Variants in KIAA1755 observed in about 807,000 individuals in gnomAD.
KIAA1755 encodes uncharacterized protein KIAA1755.
In KIAA1755, 68 loss-of-function variants were observed where a neutral mutation model predicts 91.7. That is an observed-to-expected ratio of 0.74 (90% CI 0.61 to 0.91). KIAA1755 has a LOEUF of 0.91. Ranked by LOEUF, KIAA1755 falls within the 40% of genes least tolerant of loss-of-function variation. KIAA1755 has a pLI of 0.00. For synonymous variants in KIAA1755, 610 were observed against 604.6 expected (o/e 1.01, Z -0.13); for missense variants, 1,535 against 1,494.4 (o/e 1.03, Z -0.45).
intron 12 of KIAA1755, 51 bp downstream of exon 12, chr20:38,218,193 A>C: frequency 6.2e-7 from 1 of 1,611,352 alleles, no homozygotes; most frequent in Non-Finnish European, 8.5e-7. Context: ...CACCCCCTCT[A>C]ACGCCCTCTC....
Position 38,213,596 on chromosome 20 carries a change from C to T in KIAA1755, c.3049G>A (p.Val1017Met), listed in dbSNP as rs555113009. Residue 1017 changes from valine (V) to methionine (M), a missense_variant, in exon 14 of 14, where the codon GTG (valine) becomes ATG (methionine). Coordinates refer to ENST00000279024, the MANE Select transcript of KIAA1755 (RefSeq NM_001029864.2). Reference protein sequence around the residue: ...SEFPAEKLAAVGLQVASLSRA... With the variant: ...SEFPAEKLAAMGLQVASLSRA... ...CTCAGGGAGGCCACCTGCAGCCCCA[C>T]GGCTGCGAGCTTCTCAGCAGGGAAC... 3.1e-5 allele frequency: 50 copies of T among 1,608,994 alleles called. No homozygotes were observed. The highest frequency in any genetic ancestry group is 1.7e-4 in the Middle Eastern group (1 of 6,042).
At chr20:38,259,109 G>A (rs2076390467) in intron 1 of KIAA1755, among the ~76,000 whole-genome samples, 1 of 152,194 alleles carries the variant, frequency 6.6e-6, no homozygotes, top group Admixed American at 6.5e-5. Flanking sequence ...CCATCTGTTG[G>A]AGATAGCCGC....
chr20:38,218,516 A>C (rs919873906), intron 11 of KIAA1755, 150 bp from the exon 12 acceptor site: 2 of 1,095,548 alleles, frequency 1.8e-6, no homozygotes, highest in Admixed American at 2.8e-5. Context: ...AATTCTCCCA[A>C]TTCTGGGCGT....
In KIAA1755 at chr20:38,212,674, A is replaced by C. The variant is rs2123037231; in HGVS notation, c.*368T>G. ...AACACTGGCCCTCGTACCCGAGGGG[A>C]GAGCTGTGTATGTTCCTGAGCTGCA... On this transcript the variant is annotated 3_prime_UTR_variant, in exon 14 of 14. Transcript: ENST00000279024. 2 of 182,688 alleles carry C rather than the reference A, an allele frequency of 1.1e-5. No homozygotes were observed. Among genetic ancestry groups the C allele is most frequent in the Non-Finnish European group, 2.3e-5 (2 of 87,146 alleles). The allele number at this position is 182,688 out of a possible 1,614,324, so 11.3% of individuals were successfully genotyped here.
Position 38,231,306 on chromosome 20 carries a change from C to T in KIAA1755, c.1767G>A (p.Gly589=), listed in dbSNP as rs1187099414. ...TAGTTGACACCAGAAGCAGGGGCCG[C>T]CCGGCCCTGTCCCGGCCACCTGGAG... ...ACLPGGRDRA[G]RPLLLVSTTE... The change falls in exon 5 of 14, where the codon GGG becomes GGA. Residue 589 remains glycine, a synonymous_variant. Transcript: ENST00000279024. 1.9e-6 allele frequency: 3 copies of T among 1,610,740 alleles called. No homozygotes were observed. The highest frequency in any genetic ancestry group is 1.3e-5 in the African/African-American group (1 of 74,992).
chr20:38,214,434 C>T (rs6024001), intron 13 of KIAA1755, among the ~76,000 whole-genome samples: 66,541 of 152,052 alleles, frequency 0.44, 14,683 homozygotes, highest in East Asian at 0.52. Flanking sequence ...CTGCCTAATG[C>T]TTATTGAGCA....
At position 38,219,917 on chromosome 20, in the gene KIAA1755, C is replaced by T. The variant is rs2075627263; in HGVS notation, c.2418-149G>A. 4.1e-6 allele frequency: 4 copies of T among 963,898 alleles called. No individual in the cohort carries two copies. In the Admixed American group the frequency reaches 1.0e-4, roughly 24 times the overall value. The allele number at this position is 963,898 out of a possible 1,614,324, so 59.7% of individuals were successfully genotyped here. A position where few individuals can be genotyped will look rare whatever the true frequency, so the allele number is the denominator to read the frequency against. ...GTGTGACTGTGGGCAGGCCCTTCAC[C>T]AAGGGCCTCAGCCTTGGTCTTCCAT... On this transcript the variant is annotated intron_variant, in intron 10 of 13. Transcript: ENST00000279024.
chr20:38,214,660 T>C (rs2123047945), intron 13 of KIAA1755, among the ~76,000 whole-genome samples: 1 of 152,262 alleles, frequency 6.6e-6, no homozygotes, highest in African/African-American at 2.4e-5. Context: ...GGGTGTGCCC[T>C]CACCATCACA....
intron 1 of KIAA1755, among the ~76,000 whole-genome samples, chr20:38,257,579 T>TAA (rs1219977631): frequency 3.8e-4 from 34 of 90,128 alleles, no homozygotes; most frequent in Middle Eastern, 7.6e-3. Flanking sequence ...AGACTCCATC[T>TAA]AAAAAAAAAA....
intron 2 of KIAA1755, 57 bp downstream of exon 2, chr20:38,245,872 A>G: frequency 3.2e-6 from 5 of 1,552,780 alleles, no homozygotes; most frequent in Non-Finnish European, 3.6e-6. Context: ...GCCCGCCTCT[A>G]GCCCCATGAC....
chr20:38,234,803 G>A (rs1433053080), intron 4 of KIAA1755, among the ~76,000 whole-genome samples: 1 of 152,210 alleles, frequency 6.6e-6, no homozygotes, highest in Non-Finnish European at 1.5e-5. Flanking sequence ...ATTACAGCAA[G>A]GGGCAGTTGT....
chr20:38,247,240 A>G (rs2076175066), intron 1 of KIAA1755, among the ~76,000 whole-genome samples: 1 of 151,974 alleles, frequency 6.6e-6, no homozygotes, highest in Non-Finnish European at 1.5e-5. Context: ...CGTCTTCAGG[A>G]AGCATCAGCC....
intron 2 of KIAA1755, among the ~76,000 whole-genome samples, chr20:38,242,779 G>T (rs972351547): frequency 6.6e-6 from 1 of 152,066 alleles, no homozygotes; most frequent in African/African-American, 2.4e-5. Flanking sequence ...AGGTTATTCT[G>T]GGCCTGAATG....
chr20:38,255,185 A>T (rs1470399591), intron 1 of KIAA1755, among the ~76,000 whole-genome samples: 1 of 152,078 alleles, frequency 6.6e-6, no homozygotes, highest in Admixed American at 6.6e-5. Flanking sequence ...CAAAAAAAAA[A>T]AAAATCTGTC....
intron 13 of KIAA1755, among the ~76,000 whole-genome samples, chr20:38,214,000 A>G (rs1568727442): frequency 6.7e-6 from 1 of 149,208 alleles, no homozygotes; most frequent in Non-Finnish European, 1.5e-5. Context: ...CACCCAGGCT[A>G]GAGTGCAGTG....
At chr20:38,248,731 C>T (rs2076198728) in intron 1 of KIAA1755, among the ~76,000 whole-genome samples, 1 of 148,866 alleles carries the variant, frequency 6.7e-6, no homozygotes, top group South Asian at 2.1e-4. Flanking sequence ...CAGAGTCTTG[C>T]TCTGTTGCCC....
intron 1 of KIAA1755, 57 bp from the exon 2 acceptor site, chr20:38,246,183 C>T: frequency 2.1e-6 from 3 of 1,449,524 alleles, no homozygotes; most frequent in Non-Finnish European, 2.8e-6. Flanking sequence ...GCAGAGACCA[C>T]TTCCCGTGAC....
intron 11 of KIAA1755, among the ~76,000 whole-genome samples, chr20:38,219,196 C>T (rs568663451): frequency 6.7e-4 from 102 of 152,198 alleles, no homozygotes; most frequent in African/African-American, 2.3e-3. Flanking sequence ...TGTTGGTTCT[C>T]GGCACCGGCA....
intron 1 of KIAA1755, among the ~76,000 whole-genome samples, chr20:38,251,702 AT>A (rs1843278202): frequency 6.6e-6 from 1 of 151,246 alleles, no homozygotes. Context: ...TGTAGCTGGG[AT>A]TATAGGCACC....
Sources: allele counts gnomAD v4.1 joint callset (sites outside exome capture counted in the v4.1 genomes callset), GRCh38; gene constraint gnomAD v4.1.1; transcripts MANE v1.5; gene names NCBI Gene and HGNC (gene_info 2026-07-23, HGNC 2026-07-21).